Variants in BRPF3 observed in about 807,000 individuals in gnomAD.
The protein encoded by BRPF3 is bromodomain and PHD finger-containing protein 3.
Under a neutral mutation model 102.0 loss-of-function variants are expected in BRPF3, and 18 were observed. That is an observed-to-expected ratio of 0.18 (90% CI 0.12 to 0.26). The LOEUF is 0.26. Ranked by LOEUF, BRPF3 falls within the 10% of genes least tolerant of loss-of-function variation. The probability of loss-of-function intolerance (pLI) is 1.00; values close to 1 mark genes in which losing one functional copy is unlikely to be tolerated. For synonymous variants in BRPF3, 570 were observed against 614.2 expected (o/e 0.93, Z 1.06); for missense variants, 1,147 against 1,567.8 (o/e 0.73, Z 4.53).
chr6:36,203,900 T>C (rs1270996232), intron 2 of BRPF3, among the ~76,000 whole-genome samples: 2 of 152,198 alleles, frequency 1.3e-5, no homozygotes, highest in Non-Finnish European at 2.9e-5. Flanking sequence ...TTTCCATCTT[T>C]TGTAAAATGG....
chr6:36,213,850 G>A (rs757794507), intron 7 of BRPF3, 30 bp from the exon 8 acceptor site: 2 of 1,557,088 alleles, frequency 1.3e-6, no homozygotes, highest in Admixed American at 4.0e-5. Flanking sequence ...TTTCTAAAAT[G>A]TTCAAGCAGA....
intron 8 of BRPF3, among the ~76,000 whole-genome samples, chr6:36,214,911 T>G (rs1232520474): frequency 6.6e-6 from 1 of 152,100 alleles, no homozygotes; most frequent in Non-Finnish European, 1.5e-5. Context: ...CTGAAGGAGT[T>G]GAAGGCATGA....
In BRPF3 at chr6:36,232,789, T is replaced by C. The variant is rs1265877843; in HGVS notation, c.*2180T>C. 3.9e-5 allele frequency: 6 copies of C among 152,276 alleles called. No individual in the cohort carries two copies. Among genetic ancestry groups the C allele is most frequent in the Admixed American group, 1.3e-4 (2 of 15,282 alleles). The allele number at this position is 152,276 out of a possible 1,614,324, so 9.4% of individuals were successfully genotyped here. On this transcript the variant is annotated 3_prime_UTR_variant, in exon 13 of 13. Coordinates refer to ENST00000357641, the MANE Select transcript of BRPF3 (RefSeq NM_015695.3). Reference sequence around the variant, plus strand: ...GAGAAATAAATGTTCTAATGGGCAGTAGTTGCTGTGTTGTGTTTAATCAGT... The same window carrying C: ...GAGAAATAAATGTTCTAATGGGCAGCAGTTGCTGTGTTGTGTTTAATCAGT...
intron 11 of BRPF3, 150 bp from the exon 12 acceptor site, chr6:36,228,752 G>T: frequency 1.2e-6 from 1 of 850,220 alleles, no homozygotes; most frequent in East Asian, 2.5e-5. Flanking sequence ...ATTGGAGGAA[G>T]GGGTTTGCCT....
chr6:36,229,613 T>C (rs1240500772), intron 12 of BRPF3, among the ~76,000 whole-genome samples: 1 of 152,214 alleles, frequency 6.6e-6, no homozygotes, highest in Non-Finnish European at 1.5e-5. Flanking sequence ...GCCAGTGCAG[T>C]GTCCGCTACA....
rs1768221598 is a variant in BRPF3 at position 36,213,877 on chromosome 6, T to C, written c.2483-3T>C. The C allele has an allele frequency of 1.3e-6, 2 of 1,580,666 alleles. No homozygotes were observed. Among genetic ancestry groups the C allele is most frequent in the Non-Finnish European group, 1.7e-6 (2 of 1,165,068 alleles). The stretch of plus-strand genomic sequence containing the variant: ...TCAAGCAGATTCTCTTTTTTTCTAA[T>C]AGATGACTCCAAACTGCCTCCTCCG... On this transcript the variant is annotated splice_polypyrimidine_tract_variant and splice_region_variant and intron_variant, in intron 7 of 12. Transcript: ENST00000357641.
chr6:36,207,732 T>G (rs1014540798), intron 4 of BRPF3, among the ~76,000 whole-genome samples: 3 of 152,232 alleles, frequency 2.0e-5, no homozygotes, highest in Admixed American at 1.3e-4. Context: ...AGAGGGAGCC[T>G]GGCCTTGAGG....
chr6:36,230,794 C>A lies in BRPF3; in HGVS notation c.*185C>A. The A allele has an allele frequency of 2.7e-6, 2 of 737,060 alleles. No individual in the cohort carries two copies. Among genetic ancestry groups the A allele is most frequent in the Non-Finnish European group, 4.3e-6 (2 of 464,626 alleles). The allele number at this position is 737,060 out of a possible 1,614,324, so 45.7% of individuals were successfully genotyped here. Reference sequence around the variant, plus strand: ...CCAATCGCATGGTTCTCCTGGCAGGCCTGCTGTGTGCCAAAAACTCCCACC... The same window carrying A: ...CCAATCGCATGGTTCTCCTGGCAGGACTGCTGTGTGCCAAAAACTCCCACC... On this transcript the variant is annotated 3_prime_UTR_variant, in exon 13 of 13. Transcript: ENST00000357641. This position sits in a 1 kb window ranked among gnomAD's most constrained non-coding sequence, Gnocchi z 5.4.
chr6:36,222,319 G>A, intron 10 of BRPF3, 54 bp downstream of exon 10: 2 of 1,488,242 alleles, frequency 1.3e-6, no homozygotes, highest in Non-Finnish European at 9.2e-7. Context: ...TGAGGAGCCA[G>A]CTCTTCAGGC....
chr6:36,222,157 T>C lies in BRPF3; in HGVS notation c.3084-11T>C, dbSNP rs1475148413. 4 of 1,550,060 alleles carry C rather than the reference T, an allele frequency of 2.6e-6. No homozygotes were observed. The highest frequency in any genetic ancestry group is 3.9e-5 in the Admixed American group (2 of 51,000). On this transcript the variant is annotated splice_polypyrimidine_tract_variant and intron_variant, in intron 9 of 12. Transcript: ENST00000357641. ...GCTCATTTCACCCCTCTCTCCCTGCTCTGTGTGCAGTGGTCTGACGCCCCC... is the reference window on the plus strand; with the variant it reads ...GCTCATTTCACCCCTCTCTCCCTGCCCTGTGTGCAGTGGTCTGACGCCCCC...
chr6:36,216,646 C>A (rs1012780907), intron 8 of BRPF3, among the ~76,000 whole-genome samples: 1 of 152,194 alleles, frequency 6.6e-6, no homozygotes, highest in Non-Finnish European at 1.5e-5. Flanking sequence ...TTTCTAGTTA[C>A]GGTGTCTGTA....
chr6:36,209,606 AGCTG>A (rs1768022511), intron 4 of BRPF3, among the ~76,000 whole-genome samples, 177 bp from the exon 5 acceptor site: 1 of 152,222 alleles, frequency 6.6e-6, no homozygotes, highest in Admixed American at 6.5e-5. Context: ...ATAAAATAGT[AGCTG>A]TTGGTGTCAT....
intron 11 of BRPF3, among the ~76,000 whole-genome samples, chr6:36,225,620 A>G (rs1281697321): frequency 6.6e-6 from 1 of 152,204 alleles, no homozygotes; most frequent in African/African-American, 2.4e-5. Context: ...CTTATGCATA[A>G]AAGTAACAGG....
Position 36,209,954 on chromosome 6 carries a change from GAA to G in BRPF3, c.1866+40_1866+41del, listed in dbSNP as rs773621807. On this transcript the variant is annotated intron_variant, in intron 5 of 12. Transcript: ENST00000357641. ...ACTTTCCAAGTAGTAAATTCTTCTT[GAA>G]CTGGAACAGGGTCTGAGTAGGCTAG... 9.4e-5 allele frequency: 152 copies of G among 1,610,770 alleles called. No individual in the cohort carries two copies. The African/African-American group carries it at 1.8e-3, about 19-fold the overall frequency.
chr6:36,212,651 G>A (rs2127287183), intron 7 of BRPF3, among the ~76,000 whole-genome samples: 1 of 151,734 alleles, frequency 6.6e-6, no homozygotes, highest in South Asian at 2.1e-4. Flanking sequence ...TGGCTTGGAA[G>A]TCTCAATTTT....
At chr6:36,204,055 G>A (rs1292488480) in intron 2 of BRPF3, among the ~76,000 whole-genome samples, 1 of 152,048 alleles carries the variant, frequency 6.6e-6, no homozygotes, top group Non-Finnish European at 1.5e-5. Flanking sequence ...TAGCCAGCTG[G>A]GTTTTCACAT....
At chr6:36,228,587 G>A (rs188915908) in intron 11 of BRPF3, among the ~76,000 whole-genome samples, 211 of 152,278 alleles carry the variant, frequency 1.4e-3, no homozygotes, top group Non-Finnish European at 1.7e-3. Context: ...CAGAGACCTC[G>A]TTAGAACCAA....
In BRPF3 at chr6:36,211,245, T is replaced by A; in HGVS notation, c.2180-13T>A. On this transcript the variant is annotated splice_polypyrimidine_tract_variant and intron_variant, in intron 6 of 12. Coordinates refer to ENST00000357641, the MANE Select transcript of BRPF3 (RefSeq NM_015695.3). The stretch of plus-strand genomic sequence containing the variant: ...GTCCTTCAGCCCCTTCTGTCCTCCC[T>A]TCTCCCTGGCAGTGGACAACATCCT... 1 of 1,610,174 alleles carries A rather than the reference T, an allele frequency of 6.2e-7. No individual in the cohort carries two copies. The highest frequency in any genetic ancestry group is 8.5e-7 in the Non-Finnish European group (1 of 1,177,442).
chr6:36,217,129 C>T (rs1768356800), intron 8 of BRPF3, among the ~76,000 whole-genome samples: 1 of 152,198 alleles, frequency 6.6e-6, no homozygotes, highest in Admixed American at 6.5e-5. Flanking sequence ...CTTCATTCGC[C>T]TCTGAAGGGC....
Sources: gnomAD v4.1 joint callset for allele counts (sites outside exome capture counted in the v4.1 genomes callset) on GRCh38, gnomAD v4.1.1 for gene constraint, Gnocchi (gnomAD v3.1) non-coding constraint, MANE v1.5 for transcripts, NCBI Gene and HGNC (gene_info 2026-07-23, HGNC 2026-07-21) for gene names.